NAV2: variants seen among roughly 807,000 people sequenced by gnomAD.
NAV2 encodes the protein neuron navigator 2.
A neutral mutation model predicts 223.2 loss-of-function variants in NAV2; 54 were observed. The observed-to-expected ratio is 0.24, with a 90% confidence interval of 0.19 to 0.30. NAV2 has a LOEUF of 0.30. NAV2 is among the 10% of genes least tolerant of loss of function. The pLI, the probability that NAV2 is intolerant of heterozygous loss-of-function variation, is 1.00. For missense variants in NAV2, 2,806 were observed against 3,147.5 expected, an observed-to-expected ratio of 0.89 and a Z score of 2.60; for synonymous variants, 1,279 against 1,239.3, an observed-to-expected ratio of 1.03 and a Z score of -0.67.
At chr11:20,087,534 G>T (rs557016185) in intron 26 of NAV2, among the ~76,000 whole-genome samples, 2 of 152,290 alleles carry the variant, frequency 1.3e-5, no homozygotes, top group Non-Finnish European at 2.9e-5. Context: ...TGGTAGTTGT[G>T]GTAAGGCAAC....
At chr11:20,010,248 G>A (rs2053452195) in intron 11 of NAV2, among the ~76,000 whole-genome samples, 1 of 152,026 alleles carries the variant, frequency 6.6e-6, no homozygotes, top group African/African-American at 2.4e-5. Flanking sequence ...TCTTGAGATG[G>A]CTTCTGTGAT....
At chr11:19,436,852 A>G (rs1851234815) in intron 1 of NAV2, among the ~76,000 whole-genome samples, 2 of 151,982 alleles carry the variant, frequency 1.3e-5, no homozygotes, top group Admixed American at 6.6e-5. Flanking sequence ...TATAAATAGG[A>G]TTGTTTTCAT....
At chr11:19,656,461 G>A (rs568276777) in intron 1 of NAV2, among the ~76,000 whole-genome samples, 1 of 152,210 alleles carries the variant, frequency 6.6e-6, no homozygotes, top group African/African-American at 2.4e-5. Context: ...CGTGAGTGAG[G>A]GGGGAGAGGC....
intron 11 of NAV2, among the ~76,000 whole-genome samples, chr11:20,002,354 C>A (rs2052629244): frequency 6.6e-6 from 1 of 152,106 alleles, no homozygotes; most frequent in African/African-American, 2.4e-5. Flanking sequence ...TGGAGTGGAG[C>A]CTTTTTCAAA....
chr11:19,699,992 G>T (rs2049463670), intron 1 of NAV2, among the ~76,000 whole-genome samples: 1 of 152,210 alleles, frequency 6.6e-6, no homozygotes, highest in South Asian at 2.1e-4. Context: ...CATAGCCTCA[G>T]ATTCTGGGCC....
intron 1 of NAV2, among the ~76,000 whole-genome samples, chr11:19,568,426 C>T (rs2045332612): frequency 6.6e-6 from 1 of 152,150 alleles, no homozygotes; most frequent in Admixed American, 6.5e-5. Flanking sequence ...ATGGAGCAGG[C>T]AGAGTTAGAG....
At chr11:19,894,153 A>T (rs1219180537) in intron 6 of NAV2, among the ~76,000 whole-genome samples, 1 of 152,228 alleles carries the variant, frequency 6.6e-6, no homozygotes, top group Non-Finnish European at 1.5e-5. Flanking sequence ...TTTACGAAAG[A>T]TGAAACTAAA....
chr11:20,039,927 G>C (rs1312236752), intron 12 of NAV2, among the ~76,000 whole-genome samples: 1 of 152,236 alleles, frequency 6.6e-6, no homozygotes, highest in Non-Finnish European at 1.5e-5. Context: ...TGGATGTAGG[G>C]ATGGGGTTTG....
intron 1 of NAV2, among the ~76,000 whole-genome samples, chr11:19,483,380 A>G (rs1453120646): frequency 6.6e-6 from 1 of 152,192 alleles, no homozygotes; most frequent in Non-Finnish European, 1.5e-5. Context: ...TATCTTAGTT[A>G]TCACGTTAAC....
At position 19,933,474 on chromosome 11, in the gene NAV2, T is replaced by A; in HGVS notation, c.1230T>A (p.Ser410Arg). The stretch of plus-strand genomic sequence containing the variant: ...TGGAAAAGCTGAAACTTTTCAACAG[T>A]AAAGGGGGCTCAAAGGCAGGTGAGG... The part of the protein sequence containing the change: ...SMLEKLKLFN[S>R]KGGSKAGEGP... The change falls in exon 7 of 38, where the codon AGT becomes AGA. Residue 410 changes from serine (S) to arginine (R), a missense_variant. Transcript: ENST00000349880. The surrounding 1 kb of genome is among the most constrained non-coding windows in gnomAD (Gnocchi z 4.3). The A allele has an allele frequency of 1.9e-6, 3 of 1,610,090 alleles. No homozygotes were observed. The highest frequency in any genetic ancestry group is 2.5e-6 in the Non-Finnish European group (3 of 1,178,492).
intron 6 of NAV2, among the ~76,000 whole-genome samples, chr11:19,915,125 G>A (rs1022894448): frequency 1.3e-5 from 2 of 152,310 alleles, no homozygotes; most frequent in African/African-American, 2.4e-5. Flanking sequence ...CAGCTTTGCT[G>A]CACTAATCCA....
intron 1 of NAV2, among the ~76,000 whole-genome samples, chr11:19,720,486 T>C (rs1390156046): frequency 6.6e-6 from 1 of 152,178 alleles, no homozygotes; most frequent in Non-Finnish European, 1.5e-5. Context: ...AAGTGAAACC[T>C]CAACACCTTC....
At chr11:19,777,418 T>TTC (rs1565298289) in intron 1 of NAV2, 29 of 433,026 alleles carry the variant, frequency 6.7e-5, no homozygotes, top group Admixed American at 6.5e-4. Context: ...TTTTTTTTTT[T>TTC]CCCCTCCTCC....
chr11:20,044,353 A>G (rs2057235833), intron 13 of NAV2, 81 bp downstream of exon 13: 3 of 1,269,678 alleles, frequency 2.4e-6, no homozygotes, highest in South Asian at 1.5e-5. Context: ...AGGACTTGAC[A>G]TTATATATTT....
At chr11:19,881,446 C>T (rs2063200787) in intron 5 of NAV2, among the ~76,000 whole-genome samples, 1 of 152,094 alleles carries the variant, frequency 6.6e-6, no homozygotes, top group Admixed American at 6.5e-5. Context: ...GGTGTCATTT[C>T]CCAGACTGCA....
intron 1 of NAV2, among the ~76,000 whole-genome samples, chr11:19,684,528 A>G (rs2048968080): frequency 1.3e-5 from 2 of 152,092 alleles, no homozygotes. Flanking sequence ...AGCACTACCT[A>G]AATGCTGATT....
At chr11:19,467,042 GAGAT>G (rs1464088290) in intron 1 of NAV2, among the ~76,000 whole-genome samples, 11 of 146,316 alleles carry the variant, frequency 7.5e-5, no homozygotes, top group African/African-American at 1.3e-4. Flanking sequence ...GAGAGAGAGA[GAGAT>G]AGATAGAGAG....
rs61095583 is a variant in NAV2 at position 19,790,762 on chromosome 11, G to GCATCA, written c.268-41720_268-41719insTCACA. Among the ~76,000 whole-genome samples the GCATCA allele has an allele frequency of 2.5e-3, 381 of 152,306 alleles. 2 individuals carry two copies. Among genetic ancestry groups the GCATCA allele is most frequent in the East Asian group, 0.01 (54 of 5,188 alleles). On this transcript the variant is annotated intron_variant, in intron 1 of 37. Coordinates refer to ENST00000349880, the MANE Select transcript of NAV2 (RefSeq NM_145117.5). ...TGCCCCCCAAGGTGTGAGGCAACCAGCACATCATGCAACACCAAGTCGCTA... is the reference window on the plus strand; with the variant it reads ...TGCCCCCCAAGGTGTGAGGCAACCAGCATCACACATCATGCAACACCAAGTCGCTA...
intron 1 of NAV2, among the ~76,000 whole-genome samples, chr11:19,695,935 CTT>C (rs79968487): frequency 4.9e-5 from 2 of 41,136 alleles, no homozygotes. Context: ...AGATGACCTG[CTT>C]TTTTTTTTTT....
Sources: gnomAD v4.1 joint callset for allele counts (sites outside exome capture counted in the v4.1 genomes callset) on GRCh38, gnomAD v4.1.1 for gene constraint, Gnocchi (gnomAD v3.1) non-coding constraint, MANE v1.5 for transcripts, NCBI Gene and HGNC (gene_info 2026-07-23, HGNC 2026-07-21) for gene names.